FNIP1: variants seen among roughly 807,000 people sequenced by gnomAD.
FNIP1 encodes the protein folliculin interacting protein 1.
FNIP1 carries 40 observed loss-of-function variants against 124.5 expected under a neutral mutation model. That is an observed-to-expected ratio of 0.32 (90% CI 0.25 to 0.42). The LOEUF (loss-of-function observed/expected upper bound fraction) is 0.42. FNIP1 is among the 10% of genes least tolerant of loss of function. The pLI is 1.00. For missense variants in FNIP1, 1,176 were observed against 1,403.7 expected (o/e 0.84, Z 2.59); for synonymous variants, 472 against 470.6 (o/e 1.00, Z -0.04).
chr5:131,742,008 G>A (rs938621951), intron 2 of FNIP1, among the ~76,000 whole-genome samples: 6 of 152,182 alleles, frequency 3.9e-5, no homozygotes, highest in African/African-American at 1.4e-4. Flanking sequence ...CAGGACAGAT[G>A]GACGCTGCTT....
At chr5:131,793,994 C>T (rs1276653600) in intron 1 of FNIP1, among the ~76,000 whole-genome samples, 1 of 151,462 alleles carries the variant, frequency 6.6e-6, no homozygotes, top group Non-Finnish European at 1.5e-5. Context: ...CACAAGATAC[C>T]ACTAGAATGG....
At chr5:131,709,319 AGGTGGATGAACAGC>A in intron 7 of FNIP1, 47 bp from the exon 8 acceptor site, 2 of 1,506,972 alleles carry the variant, frequency 1.3e-6, no homozygotes, top group Non-Finnish European at 1.8e-6. Flanking sequence ...ATTGCTATTC[AGGTGGATGAACAGC>A]TCCTTTTAAA....
At chr5:131,715,672 A>C (rs1157554413) in intron 6 of FNIP1, among the ~76,000 whole-genome samples, 1 of 152,072 alleles carries the variant, frequency 6.6e-6, no homozygotes, top group African/African-American at 2.4e-5. Flanking sequence ...TTTTTCTATA[A>C]CACACACACA....
intron 11 of FNIP1, 38 bp downstream of exon 11, chr5:131,698,879 A>G: frequency 6.5e-7 from 1 of 1,527,534 alleles, no homozygotes; most frequent in South Asian, 1.2e-5. Context: ...TGTGTACACT[A>G]TGAATTACTG....
chr5:131,671,754 T>C lies in FNIP1; in HGVS notation c.2690A>G (p.Lys897Arg). ...CIETVPQDSC[K>R]TCFPQQDQRD... is the part of the protein sequence containing the mutation. Reference sequence around the variant, plus strand: ...TTGGTCCTGCTGAGGAAAGCAGGTTTTACATGAATCTTGGGGAACTGTTTC... The same window carrying C: ...TTGGTCCTGCTGAGGAAAGCAGGTTCTACATGAATCTTGGGGAACTGTTTC... The change falls in exon 14 of 18, where the codon AAA (lysine) becomes AGA (arginine). Residue 897 changes from lysine (K) to arginine (R), a missense_variant. Transcript: ENST00000510461. 1.2e-6 allele frequency: 2 copies of C among 1,614,184 alleles called. No homozygotes were observed. Among genetic ancestry groups the C allele is most frequent in the Non-Finnish European group, 1.7e-6 (2 of 1,180,022 alleles).
At chr5:131,726,222 G>A (rs183019305) in intron 3 of FNIP1, among the ~76,000 whole-genome samples, 32 of 152,276 alleles carry the variant, frequency 2.1e-4, no homozygotes, top group Non-Finnish European at 3.5e-4. Context: ...ATGAGTTAGG[G>A]AGGATTTCCT....
chr5:131,664,826 T>C (rs6596030), intron 15 of FNIP1, among the ~76,000 whole-genome samples: 4,156 of 150,764 alleles, frequency 0.028, 176 homozygotes, highest in African/African-American at 0.095. Context: ...ATAAAGAGTA[T>C]AAAAATATGG....
At chr5:131,660,112 C>T (rs557026729) in intron 15 of FNIP1, among the ~76,000 whole-genome samples, 1 of 152,180 alleles carries the variant, frequency 6.6e-6, no homozygotes, top group East Asian at 1.9e-4. Flanking sequence ...ATATCATTAT[C>T]CATGGTGAAC....
At chr5:131,697,968 C>CAAAAAAAAA (rs753487190) in intron 11 of FNIP1, among the ~76,000 whole-genome samples, 5 of 58,738 alleles carry the variant, frequency 8.5e-5, no homozygotes, top group Non-Finnish European at 8.5e-5. Context: ...GACTCCACCT[C>CAAAAAAAAA]AAAAAAAAAA....
chr5:131,739,320 G>GT (rs1482587555), intron 2 of FNIP1, among the ~76,000 whole-genome samples: 2 of 152,194 alleles, frequency 1.3e-5, no homozygotes, highest in Non-Finnish European at 2.9e-5. Context: ...GGATAAAACA[G>GT]TAAGACGCCA....
intron 1 of FNIP1, among the ~76,000 whole-genome samples, chr5:131,792,870 A>T (rs1772455010): frequency 6.6e-6 from 1 of 152,188 alleles, no homozygotes; most frequent in Admixed American, 6.5e-5. Context: ...AAAATTCCAC[A>T]ATCCAAAACA....
chr5:131,728,744 CT>C (rs1769976917), intron 3 of FNIP1, among the ~76,000 whole-genome samples: 1 of 152,124 alleles, frequency 6.6e-6, no homozygotes, highest in Non-Finnish European at 1.5e-5. Flanking sequence ...TGTTGTGATC[CT>C]TTGGAGGAGG....
At position 131,785,713 on chromosome 5, in the gene FNIP1, T is replaced by G. The variant is rs139407175; in HGVS notation, c.92+11117A>C. Among the ~76,000 whole-genome samples, 5 of 152,256 alleles carry G rather than the reference T, an allele frequency of 3.3e-5. No homozygotes were observed. The East Asian group carries it at 9.7e-4, about 29-fold the overall frequency. The stretch of plus-strand genomic sequence containing the variant: ...GTTCAGGCATTTCGTTAAAAAAAAT[T>G]TAAAATATTAGCCGGGTGCAGTGGT... On this transcript the variant is annotated intron_variant, in intron 1 of 17. Transcript: ENST00000510461.
At chr5:131,750,594 G>C (rs1006129755) in intron 1 of FNIP1, among the ~76,000 whole-genome samples, 2 of 151,642 alleles carry the variant, frequency 1.3e-5, no homozygotes, top group Non-Finnish European at 2.9e-5. Context: ...GGGTTGAGGG[G>C]AGGTATATTC....
chr5:131,744,552 A>C lies in FNIP1; in HGVS notation c.219+12T>G, dbSNP rs1335100098. On this transcript the variant is annotated intron_variant, in intron 2 of 17. Coordinates refer to ENST00000510461, the MANE Select transcript of FNIP1 (RefSeq NM_133372.3). ...AACATTAAAAGTCAACCAAATCAAT[A>C]ATGATGCTCACCGATACTGATATGT... The C allele has an allele frequency of 6.4e-7, 1 of 1,574,296 alleles. No homozygotes were observed. The highest frequency in any genetic ancestry group is 8.6e-7 in the Non-Finnish European group (1 of 1,159,712).
chr5:131,684,995 C>T (rs1768226222), intron 11 of FNIP1, among the ~76,000 whole-genome samples: 1 of 152,098 alleles, frequency 6.6e-6, no homozygotes, highest in Admixed American at 6.5e-5. Flanking sequence ...ATATAATGTA[C>T]CCACAAAATT....
rs757364452 is a variant in FNIP1 at position 131,704,128 on chromosome 5, G to T, written c.1053C>A (p.Phe351Leu). The T allele has an allele frequency of 5.6e-6, 9 of 1,612,852 alleles. No homozygotes were observed. The highest frequency in any genetic ancestry group is 3.3e-4 in the Middle Eastern group (2 of 6,040). ...CAAAGAGAGGAAAATGTGAAAAAAA[G>T]AATTCATTAAATTTGTTATTTTCAT... ...DEDENNKFNE[F>L]FFSHFPLFES... Residue 351 changes from phenylalanine (F) to leucine (L), a missense_variant, in exon 10 of 18, where the codon TTC becomes TTA. Around this residue, in one of 2 missense-constraint regions of FNIP1, gnomAD observed 1,109 missense variants for 1,288.5 expected, o/e 0.86. Transcript: ENST00000510461.
At chr5:131,777,493 T>A (rs189685454) in intron 1 of FNIP1, among the ~76,000 whole-genome samples, 1 of 152,046 alleles carries the variant, frequency 6.6e-6, no homozygotes, top group East Asian at 1.9e-4. Context: ...AGAAAATAGG[T>A]GCCCATCTAA....
intron 11 of FNIP1, among the ~76,000 whole-genome samples, chr5:131,683,802 A>G (rs955940815): frequency 1.3e-5 from 2 of 152,194 alleles, no homozygotes; most frequent in South Asian, 4.1e-4. Flanking sequence ...TATTTTCTAT[A>G]AAGCCCACTC....
Sources: gnomAD v4.1 joint callset for allele counts (sites outside exome capture counted in the v4.1 genomes callset) on GRCh38, gnomAD v4.1.1 for gene constraint, gnomAD v4.1.1 regional missense constraint, MANE v1.5 for transcripts, NCBI Gene and HGNC (gene_info 2026-07-23, HGNC 2026-07-21) for gene names.